Variants in CAMTA1 observed in about 807,000 individuals in gnomAD.
CAMTA1 encodes calmodulin binding transcription activator 1.
CAMTA1 carries 27 observed loss-of-function variants against 170.9 expected under a neutral mutation model. That is an observed-to-expected ratio of 0.16 (90% CI 0.12 to 0.22). The LOEUF (loss-of-function observed/expected upper bound fraction) is 0.22. CAMTA1 is among the 10% of genes least tolerant of loss of function. The probability of loss-of-function intolerance (pLI) is 1.00; values close to 1 mark genes in which losing one functional copy is unlikely to be tolerated. For synonymous variants in CAMTA1, 833 were observed against 891.5 expected (o/e 0.93, Z 1.17); for missense variants, 1,619 against 2,217.2 (o/e 0.73, Z 5.42).
intron 3 of CAMTA1, among the ~76,000 whole-genome samples, chr1:7,027,510 G>A (rs1044532772): frequency 4.6e-5 from 7 of 152,134 alleles, no homozygotes; most frequent in African/African-American, 1.7e-4. Flanking sequence ...CTTCACTTGG[G>A]TCCACATTTT....
intron 3 of CAMTA1, among the ~76,000 whole-genome samples, chr1:7,085,342 G>A (rs1034803360): frequency 6.6e-6 from 1 of 152,330 alleles, no homozygotes; most frequent in Admixed American, 6.5e-5. Flanking sequence ...ATGGGCTCTT[G>A]AGGTGACATC....
chr1:7,401,402 A>G (rs998166202), intron 5 of CAMTA1, among the ~76,000 whole-genome samples: 4 of 152,160 alleles, frequency 2.6e-5, no homozygotes, highest in African/African-American at 9.7e-5. Flanking sequence ...CTGTATTATT[A>G]TGGTAAGTCT....
chr1:6,910,133 G>A (rs1441706419), intron 3 of CAMTA1, among the ~76,000 whole-genome samples: 1 of 152,208 alleles, frequency 6.6e-6, no homozygotes, highest in African/African-American at 2.4e-5. Context: ...CTGTCCTCTT[G>A]GAGTTGACAT....
intron 3 of CAMTA1, among the ~76,000 whole-genome samples, chr1:7,062,926 A>C (rs1708461984): frequency 6.6e-6 from 1 of 152,172 alleles, no homozygotes; most frequent in African/African-American, 2.4e-5. Context: ...CTTCTTGCAG[A>C]GACGTCAATC....
chr1:7,151,688 G>A (rs1208247205), intron 4 of CAMTA1, among the ~76,000 whole-genome samples: 4 of 152,208 alleles, frequency 2.6e-5, no homozygotes, highest in African/African-American at 9.7e-5. Flanking sequence ...AAATGGCTTT[G>A]GGGTGTGTCT....
chr1:7,344,310 C>A (rs748505204), intron 5 of CAMTA1, among the ~76,000 whole-genome samples: 1 of 152,212 alleles, frequency 6.6e-6, no homozygotes, highest in Non-Finnish European at 1.5e-5. Flanking sequence ...TCCAGACACC[C>A]AGTGGAAGTT....
At chr1:7,395,480 GTA>G (rs1370580017) in intron 5 of CAMTA1, among the ~76,000 whole-genome samples, 2 of 152,070 alleles carry the variant, frequency 1.3e-5, no homozygotes, top group East Asian at 3.9e-4. Context: ...TAGCTTTGTT[GTA>G]TATTTTGAAG....
chr1:7,020,212 C>T (rs552367280), intron 3 of CAMTA1, among the ~76,000 whole-genome samples: 2 of 152,178 alleles, frequency 1.3e-5, no homozygotes, highest in African/African-American at 4.8e-5. Flanking sequence ...TGGCATATTA[C>T]GATGTTTTGG....
intron 3 of CAMTA1, among the ~76,000 whole-genome samples, chr1:6,914,796 T>G (rs2149289075): frequency 6.6e-6 from 1 of 152,328 alleles, no homozygotes; most frequent in South Asian, 2.1e-4. Flanking sequence ...CTGCAGACTC[T>G]GGGATGTTAC....
chr1:6,794,718 T>G (rs1435659698), intron 1 of CAMTA1, among the ~76,000 whole-genome samples: 1 of 152,190 alleles, frequency 6.6e-6, no homozygotes, highest in Non-Finnish European at 1.5e-5. Context: ...TAGTAAATTG[T>G]GTCTAAACTT....
rs746182437 is a variant in CAMTA1 at position 7,738,427 on chromosome 1, C to T, written c.4127C>T (p.Ser1376Phe). Residue 1376 changes from serine to phenylalanine, a missense_variant, in exon 16 of 23, where the codon TCC becomes TTC. Around this residue, in one of 8 missense-constraint regions of CAMTA1, gnomAD observed 370 missense variants for 429.4 expected, o/e 0.86. Transcript: ENST00000303635. The surrounding 1 kb of genome is among the most constrained non-coding windows in gnomAD (Gnocchi z 4.9). ...GAGGTGGTGAATACAGAGCTGGGGT[C>T]CTACCGTGATAGTGCAGAAAATGAA... ...NREVVNTELG[S>F]YRDSAENEEC... The T allele has an allele frequency of 6.2e-7, 1 of 1,614,116 alleles. No individual in the cohort carries two copies. The highest frequency in any genetic ancestry group is 8.5e-7 in the Non-Finnish European group (1 of 1,180,024).
intron 5 of CAMTA1, among the ~76,000 whole-genome samples, chr1:7,309,112 C>G (rs1215893021): frequency 6.6e-6 from 1 of 152,024 alleles, no homozygotes; most frequent in Non-Finnish European, 1.5e-5. Context: ...AATATAGCCA[C>G]TCAAACTTTA....
At chr1:7,540,958 G>A (rs2094603532) in intron 6 of CAMTA1, among the ~76,000 whole-genome samples, 1 of 152,218 alleles carries the variant, frequency 6.6e-6, no homozygotes, top group African/African-American at 2.4e-5. Flanking sequence ...GCACGTCCCA[G>A]CAAGTTGCTT....
rs537622620 is a variant in CAMTA1 at position 7,284,177 on chromosome 1, CTTATTATTATTA to C, written c.438+34581_438+34592del. Among the ~76,000 whole-genome samples the C allele has an allele frequency of 5.9e-3, 583 of 99,258 alleles. 5 individuals are homozygous for C. The highest frequency in any genetic ancestry group is 0.015 in the African/African-American group (376 of 24,968). The allele number at this position is 99,258 out of a possible 152,430, so 65.1% of individuals were successfully genotyped here. A position where few individuals can be genotyped will look rare whatever the true frequency, so the allele number is the denominator to read the frequency against. On this transcript the variant is annotated intron_variant, in intron 5 of 22. Transcript: ENST00000303635. ...TCTTCTTCTTCTTCTTCTTCTTCTT[CTTATTATTATTA>C]TTATTATTATTATTATTATTATTAT... is the stretch of plus-strand genomic sequence containing the variant.
At chr1:7,367,097 T>C (rs2086030438) in intron 5 of CAMTA1, among the ~76,000 whole-genome samples, 1 of 152,156 alleles carries the variant, frequency 6.6e-6, no homozygotes, top group African/African-American at 2.4e-5. Flanking sequence ...ACAAATTCTA[T>C]AGAGAGGTGA....
chr1:7,242,831 G>A (rs572080806), intron 4 of CAMTA1, among the ~76,000 whole-genome samples: 16 of 151,366 alleles, frequency 1.1e-4, no homozygotes, highest in African/African-American at 3.2e-4. Flanking sequence ...GCATGGTGGC[G>A]GGCGCCTATA....
intron 3 of CAMTA1, among the ~76,000 whole-genome samples, chr1:7,024,387 C>T (rs147919740): frequency 4.6e-4 from 70 of 152,218 alleles, no homozygotes; most frequent in African/African-American, 1.5e-3. Flanking sequence ...AGGAAAACAG[C>T]GACAGTGAGA....
chr1:7,310,698 C>T (rs904202167), intron 5 of CAMTA1, among the ~76,000 whole-genome samples: 3 of 52,624 alleles, frequency 5.7e-5, no homozygotes, highest in African/African-American at 3.0e-4. Flanking sequence ...CTCTCTCTCT[C>T]TCTCTTTCTT....
intron 6 of CAMTA1, among the ~76,000 whole-genome samples, chr1:7,554,040 T>C (rs1178548864): frequency 2.7e-4 from 41 of 152,172 alleles, no homozygotes; most frequent in Non-Finnish European, 3.7e-4. Flanking sequence ...TCTGTTCTAG[T>C]GCACACTGCA....
Sources: allele counts gnomAD v4.1 joint callset (sites outside exome capture counted in the v4.1 genomes callset), GRCh38; gene constraint gnomAD v4.1.1; regional missense constraint gnomAD v4.1.1; non-coding constraint Gnocchi (gnomAD v3.1); transcripts MANE v1.5; gene names NCBI Gene and HGNC (gene_info 2026-07-23, HGNC 2026-07-21).